Variants in HDAC9 observed in about 807,000 individuals in gnomAD.
HDAC9 encodes the protein MEF-2 interacting transcription repressor (MITR) protein.
Under a neutral mutation model 139.4 loss-of-function variants are expected in HDAC9, and 41 were observed. The ratio of observed to expected loss-of-function variants is 0.29; its 90% CI spans 0.23 to 0.38. The LOEUF (loss-of-function observed/expected upper bound fraction) is 0.38, where lower values mean the gene tolerates loss of function less well. HDAC9 is among the 10% of genes least tolerant of loss of function. HDAC9 has a pLI of 1.00. For missense variants in HDAC9, 1,147 were observed against 1,297.0 expected (o/e 0.88, Z 1.78); for synonymous variants, 517 against 476.2 (o/e 1.09, Z -1.12).
At chr7:18,632,694 C>CG (rs1324264138) in intron 7 of HDAC9, among the ~76,000 whole-genome samples, 17 of 152,066 alleles carry the variant, frequency 1.1e-4, no homozygotes, top group African/African-American at 4.1e-4. Flanking sequence ...TGAGTTATCT[C>CG]TGTCTGATCC....
intron 2 of HDAC9, among the ~76,000 whole-genome samples, chr7:18,229,190 A>C (rs558866294): frequency 2.2e-4 from 33 of 152,296 alleles, no homozygotes; most frequent in African/African-American, 7.7e-4. Context: ...AATACAGCTA[A>C]ATATTTTAAA....
intron 13 of HDAC9, among the ~76,000 whole-genome samples, chr7:18,746,512 A>G (rs1584963395): frequency 6.6e-6 from 1 of 152,362 alleles, no homozygotes; most frequent in East Asian, 1.9e-4. Flanking sequence ...AAAGCTAAGT[A>G]AAATAAATGC....
chr7:18,273,412 T>C (rs1796514669), intron 2 of HDAC9, among the ~76,000 whole-genome samples: 1 of 152,010 alleles, frequency 6.6e-6, no homozygotes, highest in South Asian at 2.1e-4. Context: ...TATAGCAAAA[T>C]AGACCAGACT....
chr7:18,343,914 C>G (rs1006608811), intron 1 of HDAC9, among the ~76,000 whole-genome samples: 1 of 151,774 alleles, frequency 6.6e-6, no homozygotes, highest in African/African-American at 2.4e-5. Context: ...TAATACATAG[C>G]CTAGTCTAGT....
In HDAC9 at chr7:18,424,532, G is replaced by C. The variant is rs145148786; in HGVS notation, c.-41-71730G>C. On this transcript the variant is annotated intron_variant, in intron 1 of 3. Transcript: ENST00000413509. ...GTGGAAGTCATGTAGTAGTATTTTT[G>C]TTTGCCTTTATGGCTATTATGTGAT... 9.9e-4 allele frequency among the ~76,000 whole-genome samples: 151 copies of C among 152,204 alleles called. 2 individuals carry two copies. The East Asian group carries it at 0.019, about 19-fold the overall frequency.
chr7:18,448,408 A>G (rs1792494181), intron 1 of HDAC9, among the ~76,000 whole-genome samples: 1 of 152,232 alleles, frequency 6.6e-6, no homozygotes, highest in African/African-American at 2.4e-5. Flanking sequence ...GCATTAAAAG[A>G]AAAAATATCA....
chr7:18,367,235 G>A (rs1439933092), intron 1 of HDAC9, among the ~76,000 whole-genome samples: 1 of 152,054 alleles, frequency 6.6e-6, no homozygotes, highest in Non-Finnish European at 1.5e-5. Context: ...TGCAAACTCA[G>A]ATGCATAGAG....
At chr7:18,390,483 C>T (rs995744476) in intron 1 of HDAC9, among the ~76,000 whole-genome samples, 1 of 152,146 alleles carries the variant, frequency 6.6e-6, no homozygotes, top group African/African-American at 2.4e-5. Flanking sequence ...CTGTCACATC[C>T]TAGACCAGGC....
At chr7:18,868,943 A>G (rs1798695387) in intron 21 of HDAC9, among the ~76,000 whole-genome samples, 1 of 152,086 alleles carries the variant, frequency 6.6e-6, no homozygotes. Flanking sequence ...ATTCCCAGGG[A>G]GGGCATGGAG....
At chr7:18,565,896 G>A (rs1322202145) in intron 2 of HDAC9, among the ~76,000 whole-genome samples, 3 of 151,438 alleles carry the variant, frequency 2.0e-5, no homozygotes, top group African/African-American at 7.3e-5. Flanking sequence ...TGGCTTAGTG[G>A]TTTCTAATTC....
intron 1 of HDAC9, among the ~76,000 whole-genome samples, chr7:18,108,611 CTTTTTTTTTTTT>C (rs10708554): frequency 1.1e-4 from 9 of 82,982 alleles, no homozygotes; most frequent in Non-Finnish European, 2.4e-4. Flanking sequence ...CACTCATCTC[CTTTTTTTTTTTT>C]TTTTTTTTTG....
intron 22 of HDAC9, among the ~76,000 whole-genome samples, chr7:18,923,505 C>T (rs1321295844): frequency 6.6e-6 from 1 of 151,958 alleles, no homozygotes; most frequent in Non-Finnish European, 1.5e-5. Flanking sequence ...CCTGGCAACT[C>T]CTCTTTATCT....
chr7:18,547,401 A>G (rs923602465), intron 2 of HDAC9, among the ~76,000 whole-genome samples: 1 of 152,036 alleles, frequency 6.6e-6, no homozygotes, highest in Non-Finnish European at 1.5e-5. Context: ...CCGCCCGGCT[A>G]ATCTTTTGTA....
chr7:18,836,883 T>C (rs947417217), intron 21 of HDAC9, among the ~76,000 whole-genome samples: 1 of 152,000 alleles, frequency 6.6e-6, no homozygotes, highest in Non-Finnish European at 1.5e-5. Flanking sequence ...AACAACCACA[T>C]GAAAAAAACT....
intron 1 of HDAC9, among the ~76,000 whole-genome samples, chr7:18,391,381 T>TCC (rs573338311): frequency 1.4e-4 from 20 of 144,242 alleles, no homozygotes; most frequent in African/African-American, 5.1e-4. Context: ...CGAGACGCCA[T>TCC]CCCCCCCCCA....
intron 2 of HDAC9, among the ~76,000 whole-genome samples, chr7:18,559,280 A>T (rs1472531914): frequency 6.6e-6 from 1 of 151,996 alleles, no homozygotes; most frequent in African/African-American, 2.4e-5. Context: ...GACCCACACA[A>T]TACATACACA....
intron 14 of HDAC9, among the ~76,000 whole-genome samples, chr7:18,752,664 G>A (rs1219852815): frequency 1.3e-5 from 2 of 152,050 alleles, no homozygotes; most frequent in Non-Finnish European, 2.9e-5. Flanking sequence ...TTTGTTGTGG[G>A]AAATAAGAAC....
chr7:18,849,312 A>G (rs1330944385), intron 21 of HDAC9, among the ~76,000 whole-genome samples: 1 of 152,192 alleles, frequency 6.6e-6, no homozygotes, highest in Non-Finnish European at 1.5e-5. Context: ...CACACCCTAA[A>G]GACAAAGAAA....
intron 2 of HDAC9, among the ~76,000 whole-genome samples, chr7:18,211,827 G>A (rs951319713): frequency 2.0e-5 from 3 of 152,096 alleles, no homozygotes; most frequent in African/African-American, 7.2e-5. Flanking sequence ...CTCCTGTGAG[G>A]ACATTTAGCT....
Sources: allele counts gnomAD v4.1 joint callset (sites outside exome capture counted in the v4.1 genomes callset), GRCh38; gene constraint gnomAD v4.1.1; transcripts MANE v1.5; gene names NCBI Gene and HGNC (gene_info 2026-07-23, HGNC 2026-07-21).